Variants in PPP6R3 observed in about 807,000 individuals in gnomAD.
The protein encoded by PPP6R3 is serine/threonine-protein phosphatase 6 regulatory subunit 3.
PPP6R3 carries 38 observed loss-of-function variants against 110.7 expected under a neutral mutation model. That is an observed-to-expected ratio of 0.34 (90% confidence interval 0.26 to 0.45). The LOEUF (loss-of-function observed/expected upper bound fraction) is 0.45, where lower values mean the gene tolerates loss of function less well. PPP6R3 is among the 20% of genes least tolerant of loss of function. PPP6R3 has a pLI of 1.00. For synonymous variants in PPP6R3, 369 were observed against 373.5 expected (o/e 0.99, Z 0.14); for missense variants, 870 against 1,062.4 (o/e 0.82, Z 2.52).
intron 14 of PPP6R3, among the ~76,000 whole-genome samples, chr11:68,579,965 A>G (rs1286153843): frequency 6.6e-6 from 1 of 152,252 alleles, no homozygotes; most frequent in Non-Finnish European, 1.5e-5. Flanking sequence ...TATCCTTGTC[A>G]TGAAACAATG....
rs1164021715 is a variant in PPP6R3, at chr11:68,537,646, G to T, written c.-6-13G>T. The T allele has an allele frequency of 7.0e-7, 1 of 1,435,972 alleles. No individual in the cohort carries two copies. Among genetic ancestry groups the T allele is most frequent in the East Asian group, 2.3e-5 (1 of 43,346 alleles). The allele number at this position is 1,435,972 out of a possible 1,614,324, so 89.0% of individuals were successfully genotyped here. On this transcript the variant is annotated splice_polypyrimidine_tract_variant and intron_variant, in intron 2 of 23. Transcript: ENST00000393800. ...GTTGAAATTTTATGAAATACTTTCT[G>T]CATTTTGTTTAGACCAGCATGTTTT...
chr11:68,488,995 A>T (rs1469576407), intron 1 of PPP6R3, among the ~76,000 whole-genome samples: 2 of 149,870 alleles, frequency 1.3e-5, no homozygotes, highest in Non-Finnish European at 3.0e-5. Context: ...AATATCTGTG[A>T]TATTTATTGC....
Position 68,484,793 on chromosome 11 carries a change from G to A in PPP6R3, c.-158+23966G>A, listed in dbSNP as rs189966771. 3.6e-3 allele frequency among the ~76,000 whole-genome samples: 541 copies of A among 152,160 alleles called. 1 individual carries two copies. Among genetic ancestry groups the A allele is most frequent in the Admixed American group, 5.7e-3 (87 of 15,248 alleles). On this transcript the variant is annotated intron_variant, in intron 1 of 23. Transcript: ENST00000393800. ...GTAGAGATGGGGTTTCACCATGTTG[G>A]TCAGGCTGGTCCCAAACTCCTGACC...
intron 4 of PPP6R3, among the ~76,000 whole-genome samples, chr11:68,546,913 T>C (rs2099351410): frequency 6.6e-6 from 1 of 152,202 alleles, no homozygotes; most frequent in Non-Finnish European, 1.5e-5. Context: ...CTTTCTCCTC[T>C]ACTGTCCTTT....
chr11:68,556,939 A>G (rs1002272344), intron 7 of PPP6R3, among the ~76,000 whole-genome samples: 20 of 152,162 alleles, frequency 1.3e-4, no homozygotes, highest in African/African-American at 4.3e-4. Flanking sequence ...TAGACTTCCA[A>G]TTTGACACAG....
At chr11:68,488,644 C>T (rs1473332805) in intron 1 of PPP6R3, 1 of 152,650 alleles carries the variant, frequency 6.6e-6, no homozygotes, top group Non-Finnish European at 1.5e-5. Context: ...CCTGGGGGGT[C>T]CTGATGGTGG....
At chr11:68,544,774 G>A in intron 3 of PPP6R3, 64 bp from the exon 4 acceptor site, 1 of 1,151,834 alleles carries the variant, frequency 8.7e-7, no homozygotes, top group African/African-American at 1.6e-5. Flanking sequence ...TTTCTGATTT[G>A]TGTTTATCTT....
At chr11:68,607,660 C>T (rs1940944909) in intron 22 of PPP6R3, among the ~76,000 whole-genome samples, 2 of 152,204 alleles carry the variant, frequency 1.3e-5, no homozygotes. Flanking sequence ...TACAGAATGT[C>T]TTTTTAACCT....
At chr11:68,470,951 T>G (rs1490527340) in intron 1 of PPP6R3, among the ~76,000 whole-genome samples, 2 of 151,984 alleles carry the variant, frequency 1.3e-5, no homozygotes, top group Non-Finnish European at 2.9e-5. Flanking sequence ...ATTGGGGTGT[T>G]CACTGCTCAA....
rs76008586 is a variant in PPP6R3 at position 68,570,914 on chromosome 11, T to A, written c.1279-126T>A. ...AGTAGATTGATGATCACATTGCATT[T>A]GGCTTAGTAACATTTAGCTTGCTAG... On this transcript the variant is annotated intron_variant, in intron 11 of 23. Transcript: ENST00000393800. 0.01 allele frequency: 12,298 copies of A among 1,185,978 alleles called. 1,012 individuals carry two copies. In the African/African-American group the frequency reaches 0.17, roughly 16 times the overall value. 73.5% of individuals were successfully genotyped at this position (1,185,978 alleles called of 1,614,324 possible). A position where few individuals can be genotyped will look rare whatever the true frequency, so the allele number is the denominator to read the frequency against.
intron 1 of PPP6R3, among the ~76,000 whole-genome samples, chr11:68,502,031 C>T (rs1244031529): frequency 2.6e-5 from 4 of 152,150 alleles, no homozygotes; most frequent in Admixed American, 6.5e-5. Flanking sequence ...TTTGAAAAAA[C>T]GTGTTGACAC....
At chr11:68,571,182 G>GA (rs1246564789) in intron 12 of PPP6R3, 78 bp downstream of exon 12, 36 of 1,475,998 alleles carry the variant, frequency 2.4e-5, no homozygotes, top group Non-Finnish European at 2.6e-5. Context: ...GCCCTAGTCA[G>GA]AAAAAAATGG....
chr11:68,549,094 T>A (rs186009051), intron 5 of PPP6R3, among the ~76,000 whole-genome samples: 2 of 152,330 alleles, frequency 1.3e-5, no homozygotes, highest in African/African-American at 4.8e-5. Context: ...TTTCACCATG[T>A]TGGCCAGGCT....
chr11:68,503,134 A>G (rs1360030684), intron 1 of PPP6R3, among the ~76,000 whole-genome samples: 1 of 151,984 alleles, frequency 6.6e-6, no homozygotes, highest in Admixed American at 6.6e-5. Context: ...TAGTAGAGAC[A>G]GGTTTCACCA....
In PPP6R3 at chr11:68,591,656, A is replaced by G. The variant is rs1351315730; in HGVS notation, c.1866A>G (p.Ile622Met). Reference sequence around the variant, plus strand: ...ATGGTGGCTCTGATGAGGAAGATATATGGGAGGAAAAGCACATCGCATTCA... The same window carrying G: ...ATGGTGGCTCTGATGAGGAAGATATGTGGGAGGAAAAGCACATCGCATTCA... Reference protein sequence around the residue: ...FDDGGSDEEDIWEEKHIAFTP... With the variant: ...FDDGGSDEEDMWEEKHIAFTP... The change falls in exon 18 of 24, where the codon ATA (isoleucine) becomes ATG (methionine). Residue 622 changes from isoleucine (I) to methionine (M), a missense_variant. Transcript: ENST00000393800. 1.2e-6 allele frequency: 2 copies of G among 1,613,420 alleles called. No individual in the cohort carries two copies. The highest frequency in any genetic ancestry group is 1.1e-5 in the South Asian group (1 of 90,950).
At chr11:68,553,596 C>G (rs999230684) in intron 6 of PPP6R3, among the ~76,000 whole-genome samples, 1 of 152,030 alleles carries the variant, frequency 6.6e-6, no homozygotes, top group Non-Finnish European at 1.5e-5. Flanking sequence ...CCCAGCTGTA[C>G]TTTCACTTTT....
Position 68,519,660 on chromosome 11 carries a change from A to C in PPP6R3, c.-7+9A>C. ...TAAACTTGGTTTGAAAGGTAAGACC[A>C]TTACGATTAGCAGGAGTTTCCTTCC... is the stretch of plus-strand genomic sequence containing the variant. On this transcript the variant is annotated intron_variant, in intron 2 of 23. Transcript: ENST00000393800. 2.5e-6 allele frequency: 1 copy of C among 398,538 alleles called. No individual in the cohort carries two copies. The highest frequency in any genetic ancestry group is 4.4e-6 in the Non-Finnish European group (1 of 226,018). The allele number at this position is 398,538 out of a possible 1,614,324, so 24.7% of individuals were successfully genotyped here. A position where few individuals can be genotyped will look rare whatever the true frequency, so the allele number is the denominator to read the frequency against.
At chr11:68,485,719 G>A (rs2098942716) in intron 1 of PPP6R3, among the ~76,000 whole-genome samples, 1 of 134,986 alleles carries the variant, frequency 7.4e-6, no homozygotes, top group Admixed American at 7.0e-5. Context: ...TTTGAGACAA[G>A]AGTCTCACTT....
chr11:68,542,259 T>C (rs888450739), intron 3 of PPP6R3, among the ~76,000 whole-genome samples: 2 of 151,722 alleles, frequency 1.3e-5, no homozygotes, highest in Admixed American at 1.3e-4. Context: ...GGGGATGTGA[T>C]AGGGCTGGGT....
Sources: gnomAD v4.1 joint callset for allele counts (sites outside exome capture counted in the v4.1 genomes callset) on GRCh38, gnomAD v4.1.1 for gene constraint, MANE v1.5 for transcripts, NCBI Gene and HGNC (gene_info 2026-07-23, HGNC 2026-07-21) for gene names.